Variants in NRXN3 observed in about 807,000 individuals in gnomAD.
NRXN3 encodes neurexin III.
In NRXN3, 32 loss-of-function variants were observed where a neutral mutation model predicts 137.6. That is an observed-to-expected ratio of 0.23 (90% CI 0.18 to 0.31). The LOEUF (loss-of-function observed/expected upper bound fraction) is 0.31. NRXN3 is among the 10% of genes least tolerant of loss of function. The probability of loss-of-function intolerance (pLI) is 1.00; values close to 1 mark genes in which losing one functional copy is unlikely to be tolerated. For synonymous variants in NRXN3, 798 were observed against 784.5 expected (o/e 1.02, Z -0.29); for missense variants, 1,574 against 2,062.5 (o/e 0.76, Z 4.59).
intron 3 of NRXN3, chr14:78,279,565 G>C (rs1167987331): frequency 6.6e-6 from 1 of 152,112 alleles, no homozygotes; most frequent in Non-Finnish European, 1.5e-5. Context: ...ATTAATACGA[G>C]ATAAGTATCA....
intron 19 of NRXN3, among the ~76,000 whole-genome samples, chr14:79,708,262 A>G (rs141722401): frequency 6.6e-6 from 1 of 152,184 alleles, no homozygotes; most frequent in East Asian, 1.9e-4. Flanking sequence ...ACATTGTACT[A>G]GACATTGTAA....
intron 4 of NRXN3, among the ~76,000 whole-genome samples, chr14:78,358,599 G>A (rs1376261958): frequency 1.3e-5 from 2 of 152,202 alleles, no homozygotes; most frequent in Admixed American, 6.5e-5. Flanking sequence ...TCTTTACTAC[G>A]TCAGCTCATC....
At chr14:78,474,572 A>G (rs943376038) in intron 4 of NRXN3, among the ~76,000 whole-genome samples, 5 of 152,162 alleles carry the variant, frequency 3.3e-5, no homozygotes, top group East Asian at 3.9e-4. Flanking sequence ...GCATCTCTCC[A>G]TGATCTTTTT....
At chr14:78,913,720 C>A (rs936752177) in intron 10 of NRXN3, among the ~76,000 whole-genome samples, 3 of 152,030 alleles carry the variant, frequency 2.0e-5, no homozygotes, top group Non-Finnish European at 4.4e-5. Context: ...CAGATAAAAT[C>A]TTTTGTTTAA....
chr14:78,874,284 C>A (rs2152574616), intron 10 of NRXN3, among the ~76,000 whole-genome samples: 1 of 152,180 alleles, frequency 6.6e-6, no homozygotes, highest in East Asian at 1.9e-4. Context: ...AAGTGATTTT[C>A]AAACATAGTT....
chr14:79,856,727 G>T (rs1052367194), intron 20 of NRXN3, among the ~76,000 whole-genome samples: 1 of 151,184 alleles, frequency 6.6e-6, no homozygotes, highest in Non-Finnish European at 1.5e-5. Flanking sequence ...TTTTTTGATG[G>T]CAGTGAGCCC....
chr14:79,289,959 C>T (rs909812417), intron 15 of NRXN3, among the ~76,000 whole-genome samples: 1 of 152,112 alleles, frequency 6.6e-6, no homozygotes, highest in Non-Finnish European at 1.5e-5. Flanking sequence ...TGGAAACCAG[C>T]AAGCCACATT....
rs1425576971 is a variant in NRXN3, at chr14:79,690,965, G to A, written c.3617-1208G>A. Among the ~76,000 whole-genome samples, 4 of 151,992 alleles carry A rather than the reference G, an allele frequency of 2.6e-5. No individual in the cohort carries two copies. In the East Asian group the frequency reaches 5.8e-4, roughly 22 times the overall value. ...TTTCATTTTTAATATTGGTAGTTTG[G>A]AATGGAGTTCCCCAAGTTGCAATAT... is the stretch of plus-strand genomic sequence containing the variant. On this transcript the variant is annotated intron_variant, in intron 17 of 20. Transcript: ENST00000335750.
chr14:78,621,583 C>A (rs143977095), intron 4 of NRXN3, among the ~76,000 whole-genome samples: 1,661 of 151,862 alleles, frequency 0.011, 12 homozygotes, highest in South Asian at 0.028. Flanking sequence ...GATAATAAAT[C>A]AACATTTCCC....
At chr14:79,303,011 C>A (rs1299733932) in intron 15 of NRXN3, among the ~76,000 whole-genome samples, 1 of 151,834 alleles carries the variant, frequency 6.6e-6, no homozygotes, top group Non-Finnish European at 1.5e-5. Flanking sequence ...TTGGAGGGGA[C>A]AAACATCCAA....
intron 16 of NRXN3, among the ~76,000 whole-genome samples, chr14:79,574,257 T>C (rs963007493): frequency 1.1e-4 from 16 of 152,008 alleles, no homozygotes; most frequent in Admixed American, 1.1e-3. Flanking sequence ...TATATACATA[T>C]ATGTATATCT....
chr14:79,151,131 G>A (rs191166370), intron 15 of NRXN3, among the ~76,000 whole-genome samples: 9 of 152,092 alleles, frequency 5.9e-5, no homozygotes, highest in African/African-American at 1.9e-4. Flanking sequence ...GTGAACTGGG[G>A]CCTGATTGAT....
chr14:79,241,586 C>T (rs1314825227), intron 15 of NRXN3, among the ~76,000 whole-genome samples: 4 of 152,048 alleles, frequency 2.6e-5, no homozygotes, highest in African/African-American at 9.7e-5. Context: ...TCCACCTGGC[C>T]CCACCCTTCA....
Position 78,767,580 on chromosome 14 carries a change from C to G in NRXN3, c.2045-36040C>G, listed in dbSNP as rs1481845368. ...TGTCTGTGTGGGTTACTAATTGTTA[C>G]AGTGAAATTAGATTCCTCTTTCCAA... is the stretch of plus-strand genomic sequence containing the variant. On this transcript the variant is annotated intron_variant, in intron 8 of 20. Transcript: ENST00000335750. 3.3e-5 allele frequency among the ~76,000 whole-genome samples: 5 copies of G among 152,168 alleles called. No homozygotes were observed. In the East Asian group the frequency reaches 9.6e-4, roughly 29 times the overall value.
rs577642880 is a variant in NRXN3 at position 78,869,205 on chromosome 14, C to T, written c.2275+58861C>T. Among the ~76,000 whole-genome samples the T allele has an allele frequency of 5.1e-4, 78 of 152,304 alleles. No homozygotes were observed. The South Asian group carries it at 0.016, about 31-fold the overall frequency. On this transcript the variant is annotated intron_variant, in intron 10 of 20. Coordinates refer to ENST00000335750, the MANE Select transcript of NRXN3 (RefSeq NM_001330195.2). ...CTTGGCATTTTCTTCCCGTACCCTGCAAATATTAAATCAATTGTCAATCAA... is the reference window on the plus strand; with the variant it reads ...CTTGGCATTTTCTTCCCGTACCCTGTAAATATTAAATCAATTGTCAATCAA...
chr14:78,515,113 C>T (rs1018122790), intron 4 of NRXN3, among the ~76,000 whole-genome samples: 2 of 152,112 alleles, frequency 1.3e-5, no homozygotes, highest in African/African-American at 2.4e-5. Context: ...AGGTTGAAAA[C>T]CGCTGTATTA....
At chr14:79,305,896 C>T (rs2085966037) in intron 15 of NRXN3, among the ~76,000 whole-genome samples, 1 of 151,970 alleles carries the variant, frequency 6.6e-6, no homozygotes, top group African/African-American at 2.4e-5. Flanking sequence ...AAAGTGGGGT[C>T]GGAGTGGAAT....
intron 4 of NRXN3, among the ~76,000 whole-genome samples, chr14:78,316,275 T>TAG (rs1282614252): frequency 6.6e-6 from 1 of 151,548 alleles, no homozygotes; most frequent in Non-Finnish European, 1.5e-5. Flanking sequence ...GGAGGGAGTG[T>TAG]AGAGTTGGGG....
intron 4 of NRXN3, among the ~76,000 whole-genome samples, chr14:78,541,662 T>G (rs892843089): frequency 3.3e-5 from 5 of 152,208 alleles, no homozygotes; most frequent in Non-Finnish European, 2.9e-5. Context: ...CCGTTGTTGG[T>G]GAGGAGCTGT....
Sources: gnomAD v4.1 joint callset for allele counts (sites outside exome capture counted in the v4.1 genomes callset) on GRCh38, gnomAD v4.1.1 for gene constraint, MANE v1.5 for transcripts, NCBI Gene and HGNC (gene_info 2026-07-23, HGNC 2026-07-21) for gene names.